The following PYM1 variants were observed in gnomAD, a reference collection of about 807,000 sequenced individuals.
PYM1 encodes partner of Y14 and mago.
Under a neutral mutation model 20.7 loss-of-function variants are expected in PYM1, and 7 were observed. The ratio of observed to expected loss-of-function variants is 0.34; its 90% CI spans 0.19 to 0.64. The LOEUF is 0.64. PYM1 is among the 30% of genes least tolerant of loss of function. PYM1 has a pLI of 0.74. For synonymous variants in PYM1, 100 were observed against 99.2 expected (o/e 1.01, Z -0.05); for missense variants, 194 against 250.0 (o/e 0.78, Z 1.51).
chr12:55,913,125 G>A (rs1374504321), intron 1 of PYM1, among the ~76,000 whole-genome samples: 3 of 152,146 alleles, frequency 2.0e-5, no homozygotes, highest in Non-Finnish European at 4.4e-5. Flanking sequence ...TCAAATTCAA[G>A]TATCAACTCA....
rs1351337808 is a variant in PYM1 at position 55,902,222 on chromosome 12, G to A, written c.265C>T (p.Arg89Cys). 2 of 1,613,980 alleles carry A rather than the reference G, an allele frequency of 1.2e-6. No homozygotes were observed. Among genetic ancestry groups the A allele is most frequent in the Non-Finnish European group, 1.7e-6 (2 of 1,180,026 alleles). The change falls in exon 3 of 3, where the codon CGT becomes TGT. Residue 89 changes from arginine to cysteine, a missense_variant. Arg to Cys is a radical substitution (Grantham distance 180). Coordinates refer to ENST00000408946, the MANE Select transcript of PYM1 (RefSeq NM_032345.3). Reference protein sequence around the residue: ...GEPGLSKTAKRNLKRKEKRRQ... With the variant: ...GEPGLSKTAKCNLKRKEKRRQ... ...CTCTTCTCCTTTCGCTTCAGGTTAC[G>A]TTTGGCTGTCTTGGAGAGGCCTGGT...
In PYM1 at chr12:55,924,098, G is replaced by A. The variant is rs143296348; in HGVS notation, c.37+3627C>T. On this transcript the variant is annotated intron_variant, in intron 1 of 2. Coordinates refer to ENST00000408946, the MANE Select transcript of PYM1 (RefSeq NM_032345.3). Reference sequence around the variant, plus strand: ...CTCAAAGAAAAAAAAAAAAAGAAACGATACAAAAGTTTACCTTGGGTTGGC... The same window carrying A: ...CTCAAAGAAAAAAAAAAAAAGAAACAATACAAAAGTTTACCTTGGGTTGGC... 4.9e-3 allele frequency among the ~76,000 whole-genome samples: 741 copies of A among 151,100 alleles called. 8 individuals are homozygous for A. The highest frequency in any genetic ancestry group is 0.016 in the African/African-American group (640 of 41,232).
At chr12:55,911,566 C>T (rs1250627234) in intron 1 of PYM1, among the ~76,000 whole-genome samples, 1 of 151,998 alleles carries the variant, frequency 6.6e-6, no homozygotes, top group Non-Finnish European at 1.5e-5. Flanking sequence ...CGAGGCCAGC[C>T]ATGGTGGCTC....
chr12:55,903,152 G>A (rs1882726495), intron 2 of PYM1, among the ~76,000 whole-genome samples: 1 of 152,120 alleles, frequency 6.6e-6, no homozygotes, highest in Non-Finnish European at 1.5e-5. Context: ...GAAGTCCCTA[G>A]AACCTAAAGC....
At chr12:55,918,683 C>G (rs1398318852) in intron 1 of PYM1, among the ~76,000 whole-genome samples, 1 of 152,128 alleles carries the variant, frequency 6.6e-6, no homozygotes, top group Admixed American at 6.5e-5. Context: ...GCCTGGCCAA[C>G]ACGGTGAAAC....
chr12:55,905,053 G>A (rs1335637891), intron 1 of PYM1, among the ~76,000 whole-genome samples: 1 of 151,352 alleles, frequency 6.6e-6, no homozygotes, highest in African/African-American at 2.4e-5. Context: ...CCAGGCTGGA[G>A]TGCAGTGGCG....
intron 1 of PYM1, among the ~76,000 whole-genome samples, chr12:55,912,444 C>T (rs753886443): frequency 1.3e-5 from 2 of 152,058 alleles, no homozygotes; most frequent in African/African-American, 2.4e-5. Flanking sequence ...TTAGGCCAGG[C>T]GTGGTGGCTC....
chr12:55,920,641 A>C (rs1348344968), intron 1 of PYM1, among the ~76,000 whole-genome samples: 1 of 151,794 alleles, frequency 6.6e-6, no homozygotes, highest in Non-Finnish European at 1.5e-5. Context: ...CGTCTCAAAA[A>C]AAAAAAAAGA....
At chr12:55,920,636 C>CAA (rs1254982255) in intron 1 of PYM1, among the ~76,000 whole-genome samples, 1 of 69,916 alleles carries the variant, frequency 1.4e-5, no homozygotes, top group African/African-American at 5.5e-5. Flanking sequence ...GACTCCGTCT[C>CAA]AAAAAAAAAA....
intron 1 of PYM1, among the ~76,000 whole-genome samples, chr12:55,904,533 T>C (rs370822206): frequency 4.4e-5 from 6 of 137,622 alleles, no homozygotes; most frequent in East Asian, 2.1e-4. Context: ...GAGGCGGACA[T>C]TGCAGTGGGC....
At chr12:55,910,351 G>A (rs1178935005) in intron 1 of PYM1, among the ~76,000 whole-genome samples, 2 of 151,508 alleles carry the variant, frequency 1.3e-5, no homozygotes, top group South Asian at 4.2e-4. Context: ...CCCGATCCCG[G>A]CTCACTGCAA....
intron 1 of PYM1, among the ~76,000 whole-genome samples, chr12:55,926,396 T>C (rs1883187467): frequency 6.6e-6 from 1 of 152,206 alleles, no homozygotes; most frequent in Non-Finnish European, 1.5e-5. Context: ...TTTATTCACT[T>C]GTCAAAGGGC....
intron 1 of PYM1, among the ~76,000 whole-genome samples, chr12:55,917,749 G>C (rs1267866825): frequency 1.7e-4 from 26 of 151,928 alleles, no homozygotes; most frequent in Admixed American, 1.7e-3. Context: ...ATCGCCTGAG[G>C]TCAGGAGTTG....
chr12:55,916,422 C>T (rs577178067), intron 1 of PYM1, among the ~76,000 whole-genome samples: 4 of 152,290 alleles, frequency 2.6e-5, no homozygotes, highest in Admixed American at 6.5e-5. Flanking sequence ...TACACACCAT[C>T]GCACTGCTGT....
chr12:55,924,937 G>T (rs983376295), intron 1 of PYM1, among the ~76,000 whole-genome samples: 1 of 152,148 alleles, frequency 6.6e-6, no homozygotes, highest in Non-Finnish European at 1.5e-5. Context: ...CACCCACCTC[G>T]GCCTCCCAAA....
At chr12:55,923,456 C>T (rs1056340951) in intron 1 of PYM1, among the ~76,000 whole-genome samples, 2 of 151,146 alleles carry the variant, frequency 1.3e-5, no homozygotes, top group African/African-American at 2.4e-5. Flanking sequence ...GTCCCAGCTA[C>T]TCAGTAGGTT....
chr12:55,917,146 G>A (rs1476809722), intron 1 of PYM1, among the ~76,000 whole-genome samples: 1 of 151,562 alleles, frequency 6.6e-6, no homozygotes, highest in East Asian at 2.0e-4. Flanking sequence ...GCTGGGCGCA[G>A]TGGCTCACCA....
intron 1 of PYM1, among the ~76,000 whole-genome samples, chr12:55,905,863 A>ATATATATATCTATTAGATATATATAT (rs1882793970): frequency 9.0e-4 from 38 of 42,066 alleles, no homozygotes; most frequent in Admixed American, 4.0e-3. Context: ...TATATTAGAT[A>ATATATATATCTATTAGATATATATAT]TATATATATC....
chr12:55,927,499 C>T (rs1883217013), intron 1 of PYM1: 2 of 689,652 alleles, frequency 2.9e-6, no homozygotes, highest in Non-Finnish European at 2.5e-6. Context: ...AATATCCAGG[C>T]TCTGGCCTGC....
Sources: gnomAD v4.1 joint callset for allele counts (sites outside exome capture counted in the v4.1 genomes callset) on GRCh38, gnomAD v4.1.1 for gene constraint, MANE v1.5 for transcripts, NCBI Gene and HGNC (gene_info 2026-07-23, HGNC 2026-07-21) for gene names.